The following RMI2 variants were observed in gnomAD, a reference collection of about 807,000 sequenced individuals.
The protein encoded by RMI2 is RecQ mediated genome instability 2.
Under a neutral mutation model 8.4 loss-of-function variants are expected in RMI2, and 11 were observed. The observed-to-expected ratio is 1.32, with a 90% confidence interval of 0.83 to 2.18. RMI2 has a LOEUF of 2.18. Ranked by LOEUF, RMI2 falls within the 30% of genes most tolerant of loss-of-function variation. The pLI, the probability that RMI2 is intolerant of heterozygous loss-of-function variation, is 0.00. For synonymous variants in RMI2, 105 were observed against 93.8 expected (o/e 1.12, Z -0.69); for missense variants, 253 against 207.5 (o/e 1.22, Z -1.35).
intron 1 of RMI2, chr16:11,348,925 G>A (rs960091857): frequency 2.0e-5 from 3 of 152,606 alleles, no homozygotes; most frequent in African/African-American, 7.2e-5. Context: ...GTGGAAGGTA[G>A]GAGGGCTCTA....
chr16:11,346,636 G>C (rs887667036), intron 1 of RMI2, among the ~76,000 whole-genome samples: 10 of 152,202 alleles, frequency 6.6e-5, no homozygotes, highest in South Asian at 2.1e-4. Flanking sequence ...GTAAAGCTGG[G>C]ATGGCTGGGG....
intron 1 of RMI2, 115 bp from the exon 2 acceptor site, chr16:11,350,527 C>A: frequency 1.3e-6 from 1 of 783,116 alleles, no homozygotes; most frequent in Non-Finnish European, 2.0e-6. Context: ...GAGGTGGAGG[C>A]TGCAATGAGC....
intron 1 of RMI2, among the ~76,000 whole-genome samples, chr16:11,346,251 C>G (rs2070866862): frequency 7.5e-6 from 1 of 134,126 alleles, no homozygotes; most frequent in Non-Finnish European, 1.7e-5. Flanking sequence ...TGTTTGCCTC[C>G]TCTCTTTTTT....
intron 1 of RMI2, among the ~76,000 whole-genome samples, chr16:11,346,014 C>G (rs1435275168): frequency 1.3e-5 from 2 of 152,364 alleles, no homozygotes; most frequent in African/African-American, 4.8e-5. Flanking sequence ...TCTCCCACCC[C>G]TAGTGGGAAT....
rs372091884 is a variant in RMI2 at position 11,349,852 on chromosome 16, C to A, written c.296-790C>A. ...CGGGTTTTATGTGGTTGAGACTGGC[C>A]AAGTTTTGCTTTCAAGGAGAGTCAC... On this transcript the variant is annotated intron_variant, in intron 1 of 1. Coordinates refer to ENST00000312499, the MANE Select transcript of RMI2 (RefSeq NM_152308.3). The surrounding 1 kb of genome is among the most constrained non-coding windows in gnomAD (Gnocchi z 4.2). 6.6e-6 allele frequency among the ~76,000 whole-genome samples: 1 copy of A among 152,182 alleles called. No homozygotes were observed. The highest frequency in any genetic ancestry group is 2.4e-5 in the African/African-American group (1 of 41,444).
chr16:11,346,997 A>C (rs930302020), intron 1 of RMI2, among the ~76,000 whole-genome samples: 1 of 152,242 alleles, frequency 6.6e-6, no homozygotes, highest in Non-Finnish European at 1.5e-5. Flanking sequence ...TTCCTGACAC[A>C]TAAGTGCTCC....
At chr16:11,346,832 CTCCTGCGTCAGCCT>C (rs2141211804) in intron 1 of RMI2, among the ~76,000 whole-genome samples, 1 of 152,158 alleles carries the variant, frequency 6.6e-6, no homozygotes. Context: ...TCAAGCAATC[CTCCTGCGTCAGCCT>C]CCTTGGGTAG....
intron 1 of RMI2, among the ~76,000 whole-genome samples, chr16:11,350,106 GT>G (rs2070944846): frequency 6.6e-6 from 1 of 152,192 alleles, no homozygotes; most frequent in Non-Finnish European, 1.5e-5. Context: ...AAGAGGATGT[GT>G]CCTGTGCACA....
At chr16:11,345,900 G>T (rs1218734187) in intron 1 of RMI2, 134 bp downstream of exon 1, 9 of 654,768 alleles carry the variant, frequency 1.4e-5, no homozygotes, top group Non-Finnish European at 1.7e-5. Flanking sequence ...CTCTGCCCCT[G>T]CGGGTCCCCG....
In RMI2 at chr16:11,351,671, A is replaced by G. The variant is rs117657423; in HGVS notation, c.*881A>G. ...CATGCCTGAATTTTTTGAGATTGTA[A>G]ATATCAAAGGAGTTAGATTGTGTTC... On this transcript the variant is annotated 3_prime_UTR_variant, in exon 2 of 2. Coordinates refer to ENST00000312499, the MANE Select transcript of RMI2 (RefSeq NM_152308.3). The G allele has an allele frequency of 2.0e-3, 449 of 228,622 alleles. 8 individuals carry two copies. In the East Asian group the frequency reaches 0.026, roughly 13 times the overall value. 14.2% of individuals were successfully genotyped at this position (228,622 alleles called of 1,614,324 possible).
chr16:11,345,602 C>A lies in RMI2; in HGVS notation c.131C>A (p.Ser44Ter). ...GGCGGCCCGGGCGCGTGGCGGCTGT[C>A]ACGGGCGGCGGCGGGCCGCGGGCCG... is the stretch of plus-strand genomic sequence containing the variant. ...AEGGPGAWRL[S>*]RAAAGRGPLD... Residue 44 changes from serine to a stop codon, truncating the protein, a stop_gained, in exon 1 of 2, where the codon TCA (serine) becomes TAA (stop). Coordinates refer to ENST00000312499, the MANE Select transcript of RMI2 (RefSeq NM_152308.3). LOFTEE classifies it high-confidence loss of function. 8.2e-7 allele frequency: 1 copy of A among 1,224,078 alleles called. No homozygotes were observed. Among genetic ancestry groups the A allele is most frequent in the African/African-American group, 1.6e-5 (1 of 64,014 alleles). 75.8% of individuals were successfully genotyped at this position (1,224,078 alleles called of 1,614,324 possible).
At chr16:11,350,339 C>T (rs1028343681) in intron 1 of RMI2, among the ~76,000 whole-genome samples, 3 of 152,138 alleles carry the variant, frequency 2.0e-5, no homozygotes, top group Non-Finnish European at 4.4e-5. Context: ...GCCTATAATC[C>T]CAGCACTTTG....
Position 11,351,166 on chromosome 16 carries a change from A to T in RMI2, c.*376A>T, listed in dbSNP as rs2141217711. 1 of 242,032 alleles carries T rather than the reference A, an allele frequency of 4.1e-6. No individual in the cohort carries two copies. The highest frequency in any genetic ancestry group is 6.0e-5 in the East Asian group (1 of 16,698). 15.0% of individuals were successfully genotyped at this position (242,032 alleles called of 1,614,324 possible). On this transcript the variant is annotated 3_prime_UTR_variant, in exon 2 of 2. Coordinates refer to ENST00000312499, the MANE Select transcript of RMI2 (RefSeq NM_152308.3). ...CTGCTGCGTCCCTGTTTTACAATGCAAAATTTAAGTACGGTCGTTGCCCAT... is the reference window on the plus strand; with the variant it reads ...CTGCTGCGTCCCTGTTTTACAATGCTAAATTTAAGTACGGTCGTTGCCCAT...
intron 1 of RMI2, 45 bp downstream of exon 1, chr16:11,345,811 C>A (rs2070855014): frequency 3.3e-6 from 4 of 1,216,218 alleles, no homozygotes; most frequent in South Asian, 4.2e-5. Context: ...TGCTGCCCGC[C>A]GAGAAGTTGC....
At chr16:11,346,202 T>G (rs1253048875) in intron 1 of RMI2, among the ~76,000 whole-genome samples, 2 of 151,940 alleles carry the variant, frequency 1.3e-5, no homozygotes, top group Non-Finnish European at 2.9e-5. Context: ...CCTCCTGTAC[T>G]TCTCCTTAAT....
intron 1 of RMI2, among the ~76,000 whole-genome samples, chr16:11,347,668 C>T (rs186737112): frequency 2.4e-4 from 37 of 152,298 alleles, no homozygotes; most frequent in Admixed American, 5.9e-4. Context: ...ATCAGCCTTC[C>T]CTCTGTCTGC....
At chr16:11,348,296 C>T (rs2070911447) in intron 1 of RMI2, 1 of 152,264 alleles carries the variant, frequency 6.6e-6, no homozygotes, top group African/African-American at 2.4e-5. Flanking sequence ...AGTTTGCCAA[C>T]CCTTGGCCTT....
intron 1 of RMI2, chr16:11,348,590 G>A (rs894677485): frequency 3.3e-5 from 5 of 152,224 alleles, no homozygotes; most frequent in African/African-American, 4.8e-5. Context: ...GAGGTAAGCG[G>A]GCCACTAAAA....
At position 11,349,394 on chromosome 16, in the gene RMI2, G is replaced by A. The variant is rs1264743952; in HGVS notation, c.296-1248G>A. 6.6e-6 allele frequency: 1 copy of A among 152,332 alleles called. No individual in the cohort carries two copies. Among genetic ancestry groups the A allele is most frequent in the Non-Finnish European group, 1.5e-5 (1 of 68,096 alleles). The allele number at this position is 152,332 out of a possible 1,614,324, so 9.4% of individuals were successfully genotyped here. ...AGAGGGTGTGGGTAGAACCTACAAG[G>A]TCAATTTGTCCCATCGCGTGCCTTC... On this transcript the variant is annotated intron_variant, in intron 1 of 1. Transcript: ENST00000312499. The surrounding 1 kb of genome is among the most constrained non-coding windows in gnomAD (Gnocchi z 4.2).
Sources: gnomAD v4.1 joint callset for allele counts (sites outside exome capture counted in the v4.1 genomes callset) on GRCh38, gnomAD v4.1.1 for gene constraint, Gnocchi (gnomAD v3.1) non-coding constraint, MANE v1.5 for transcripts, NCBI Gene and HGNC (gene_info 2026-07-23, HGNC 2026-07-21) for gene names.